ARHGAP6: variants seen among roughly 807,000 people sequenced by gnomAD.
ARHGAP6 encodes Rho GTPase activating protein 6.
ARHGAP6 carries 16 observed loss-of-function variants against 55.7 expected under a neutral mutation model. That is an observed-to-expected ratio of 0.29 (90% CI 0.19 to 0.44). ARHGAP6 has a LOEUF of 0.44. ARHGAP6 is among the 20% of genes least tolerant of loss of function. The pLI, the probability that ARHGAP6 is intolerant of heterozygous loss-of-function variation, is 1.00. For missense variants in ARHGAP6, 698 were observed against 808.9 expected (o/e 0.86, Z 1.66); for synonymous variants, 382 against 360.9 (o/e 1.06, Z -0.66).
At chrX:11,219,720 C>T (rs1176764553) in intron 2 of ARHGAP6, among the ~76,000 whole-genome samples, 1 of 91,871 alleles carries the variant, frequency 1.1e-5, no homozygotes, top group African/African-American at 4.2e-5. Flanking sequence ...CCTTCGCCCA[C>T]TTTTTGATGG....
At chrX:11,291,709 C>T (rs185908195) in intron 1 of ARHGAP6, among the ~76,000 whole-genome samples, 96 of 111,608 alleles carry the variant, frequency 8.6e-4, no homozygotes, top group South Asian at 1.9e-3. Context: ...CAAAGGGAAT[C>T]CTTCTTGTCT....
intron 9 of ARHGAP6, among the ~76,000 whole-genome samples, chrX:11,166,664 A>T (rs2046021351): frequency 8.9e-6 from 1 of 112,166 alleles, no homozygotes; most frequent in Non-Finnish European, 1.9e-5. Flanking sequence ...ATGTGATGAG[A>T]TTAATTTTCT....
chrX:11,408,894 CACACACACACACAT>C (rs1390613993), intron 1 of ARHGAP6, among the ~76,000 whole-genome samples: 3 of 108,557 alleles, frequency 2.8e-5, no homozygotes, highest in Admixed American at 9.9e-5. Flanking sequence ...TTGATCATCA[CACACACACACACAT>C]ACACACACAC....
At chrX:11,404,669 T>TAC (rs2049590158) in intron 1 of ARHGAP6, among the ~76,000 whole-genome samples, 1 of 111,505 alleles carries the variant, frequency 9.0e-6, no homozygotes, top group African/African-American at 3.3e-5. Flanking sequence ...GGCCAAAGGA[T>TAC]ACTGCTTTGG....
chrX:11,523,740 A>C (rs973209586), intron 1 of ARHGAP6, among the ~76,000 whole-genome samples: 3 of 111,002 alleles, frequency 2.7e-5, no homozygotes, highest in African/African-American at 6.6e-5. Flanking sequence ...GCTAAGTAAG[A>C]TTGTCCTGTT....
chrX:11,305,589 T>C (rs1410990202), intron 1 of ARHGAP6, among the ~76,000 whole-genome samples: 1 of 111,582 alleles, frequency 9.0e-6, no homozygotes, highest in Non-Finnish European at 1.9e-5. Context: ...TGAAAGTGAT[T>C]GTGTCTACCC....
At chrX:11,172,624 G>A (rs1384399932) in intron 8 of ARHGAP6, among the ~76,000 whole-genome samples, 1 of 112,020 alleles carries the variant, frequency 8.9e-6, no homozygotes, top group Non-Finnish European at 1.9e-5. Flanking sequence ...TTCTGGGAAT[G>A]GAATACAACC....
chrX:11,400,382 G>C (rs1364296110), intron 1 of ARHGAP6, among the ~76,000 whole-genome samples: 2 of 110,100 alleles, frequency 1.8e-5, no homozygotes, highest in Non-Finnish European at 3.8e-5. Flanking sequence ...GGTTTAAGGA[G>C]GGAAGGCATT....
At chrX:11,470,644 A>G (rs17321489) in intron 1 of ARHGAP6, among the ~76,000 whole-genome samples, 4,343 of 112,192 alleles carry the variant, frequency 0.039, 89 homozygotes, top group Non-Finnish European at 0.063. Context: ...TTCTAGAAAA[A>G]CTCAAATATG....
intron 1 of ARHGAP6, among the ~76,000 whole-genome samples, chrX:11,590,657 C>T (rs1050548651): frequency 6.7e-5 from 7 of 104,782 alleles, no homozygotes; most frequent in Admixed American, 4.3e-4. Flanking sequence ...TGGTGGTGCA[C>T]GCCTGTAGTC....
In ARHGAP6 at chrX:11,565,659, T is replaced by C. The variant is rs1250969906; in HGVS notation, c.588+98582A>G. ...TGCCTGCCTGCTGTTATTATCTTCC[T>C]AATTTCTTGAATGCTAGTTGAAGTC... On this transcript the variant is annotated intron_variant, in intron 1 of 12. Coordinates refer to ENST00000337414, the MANE Select transcript of ARHGAP6 (RefSeq NM_013427.3). Among the ~76,000 whole-genome samples the C allele has an allele frequency of 2.7e-5, 3 of 112,707 alleles. No individual in the cohort carries two copies. The Admixed American group carries it at 2.8e-4, about 11-fold the overall frequency.
intron 8 of ARHGAP6, among the ~76,000 whole-genome samples, chrX:11,176,128 C>T (rs917122060): frequency 1.2e-4 from 12 of 98,843 alleles, no homozygotes; most frequent in Non-Finnish European, 1.6e-4. Context: ...TAAGTGGAAG[C>T]TCTCTGTGGG....
intron 1 of ARHGAP6, among the ~76,000 whole-genome samples, chrX:11,609,504 A>G (rs958111091): frequency 9.0e-6 from 1 of 111,722 alleles, no homozygotes; most frequent in Admixed American, 9.5e-5. Context: ...GGTTGCCGCT[A>G]TAAACAATAA....
chrX:11,475,333 A>G (rs2050392323), intron 1 of ARHGAP6, among the ~76,000 whole-genome samples: 1 of 110,878 alleles, frequency 9.0e-6, no homozygotes, highest in African/African-American at 3.3e-5. Context: ...ATAGAGTTTC[A>G]GGAATTAACA....
rs2045584986 is a variant in ARHGAP6 at position 11,139,137 on chromosome X, T to C, written c.2651A>G (p.Tyr884Cys). ...GRDDKRPPPPYPGPGKPAAAA... is the reference protein window; with the variant it reads ...GRDDKRPPPPCPGPGKPAAAA... ...TGCCGCGGGCTTCCCTGGGCCCGGG[T>C]ATGGAGGCGGGGGCCGCTTGTCATC... The change falls in exon 13 of 13, where the codon TAC becomes TGC. Residue 884 changes from tyrosine to cysteine, a missense_variant. By Grantham distance (194) the Tyr-to-Cys change is radical (BLOSUM62 -2). This residue lies in a region of ARHGAP6 where 212 missense variants were observed against 208.7 expected (regional missense o/e 1.02). Coordinates refer to ENST00000337414, the MANE Select transcript of ARHGAP6 (RefSeq NM_013427.3). The C allele has an allele frequency of 1.7e-6, 2 of 1,203,890 alleles. No homozygotes were observed. The highest frequency in any genetic ancestry group is 2.2e-6 in the Non-Finnish European group (2 of 892,960).
Position 11,138,710 on chromosome X carries a change from G to A in ARHGAP6, c.*153C>T. 1.7e-6 allele frequency: 1 copy of A among 602,610 alleles called. No individual in the cohort carries two copies. The highest frequency in any genetic ancestry group is 3.6e-5 in the East Asian group (1 of 27,608). The allele number at this position is 602,610 out of a possible 1,213,427, so 49.7% of individuals were successfully genotyped here. ...TATTCTCAATGGCGGGGGCGTGAGT[G>A]CTCTACCTCTGTAGGTGAACTGGAT... is the stretch of plus-strand genomic sequence containing the variant. On this transcript the variant is annotated 3_prime_UTR_variant, in exon 13 of 13. Coordinates refer to ENST00000337414, the MANE Select transcript of ARHGAP6 (RefSeq NM_013427.3).
intron 1 of ARHGAP6, among the ~76,000 whole-genome samples, chrX:11,638,281 T>C (rs1211067189): frequency 1.8e-5 from 2 of 111,876 alleles, no homozygotes. Flanking sequence ...CGCTGAAAAA[T>C]ATACACAGAA....
At chrX:11,289,508 G>C (rs1474685242) in intron 1 of ARHGAP6, among the ~76,000 whole-genome samples, 1 of 111,858 alleles carries the variant, frequency 8.9e-6, no homozygotes, top group Non-Finnish European at 1.9e-5. Context: ...AGAGAAGGGA[G>C]AGCAGGGAGG....
intron 1 of ARHGAP6, among the ~76,000 whole-genome samples, chrX:11,576,862 T>C (rs1052275794): frequency 8.9e-6 from 1 of 111,838 alleles, no homozygotes; most frequent in African/African-American, 3.2e-5. Context: ...CTGGAGACTC[T>C]AGAGGAGGAG....
Sources: gnomAD v4.1 joint callset for allele counts (sites outside exome capture counted in the v4.1 genomes callset) on GRCh38, gnomAD v4.1.1 for gene constraint, gnomAD v4.1.1 regional missense constraint, MANE v1.5 for transcripts, NCBI Gene and HGNC (gene_info 2026-07-23, HGNC 2026-07-21) for gene names.